PTPN3: variants seen among roughly 807,000 people sequenced by gnomAD.
PTPN3 encodes tyrosine-protein phosphatase non-receptor type 3.
PTPN3 carries 96 observed loss-of-function variants against 132.7 expected under a neutral mutation model. That is an observed-to-expected ratio of 0.72 (90% confidence interval 0.61 to 0.86). The LOEUF is 0.86. PTPN3 is among the 40% of genes least tolerant of loss of function. The pLI is 0.00. For missense variants in PTPN3, 1,125 were observed against 1,159.6 expected (o/e 0.97, Z 0.43); for synonymous variants, 398 against 429.0 (o/e 0.93, Z 0.89).
At chr9:109,446,642 A>T (rs544685443) in intron 6 of PTPN3, among the ~76,000 whole-genome samples, 10 of 152,178 alleles carry the variant, frequency 6.6e-5, no homozygotes, top group Admixed American at 1.3e-4. Flanking sequence ...GAGAAAGAGG[A>T]GGTGAATGGG....
At position 109,436,928 on chromosome 9, in the gene PTPN3, T is replaced by C. The variant is rs1341115721; in HGVS notation, c.630A>G (p.Ile210Met). The C allele has an allele frequency of 6.2e-7, 1 of 1,614,132 alleles. No individual in the cohort carries two copies. Among genetic ancestry groups the C allele is most frequent in the South Asian group, 1.1e-5 (1 of 91,086 alleles). The change falls in exon 9 of 26, where the codon ATA (isoleucine) becomes ATG (methionine). Residue 210 changes from isoleucine (I) to methionine (M), a missense_variant. Transcript: ENST00000374541. ...QSEAESCYIN[I>M]ARTLDFYGVE... ...CTCCATAGAAGTCGAGGGTCCGCGCTATGTTGATATAGCAGGATTCTGCTT... is the reference window on the plus strand; with the variant it reads ...CTCCATAGAAGTCGAGGGTCCGCGCCATGTTGATATAGCAGGATTCTGCTT...
At chr9:109,501,787 A>G (rs1216102917), upstream of PTPN3, among the ~76,000 whole-genome samples, 1 of 152,220 alleles carries the variant, frequency 6.6e-6, no homozygotes, top group Non-Finnish European at 1.5e-5. Flanking sequence ...GTCTCTGGGC[A>G]TTCACTTTGG....
At chr9:109,434,900 C>T (rs1843922765) in intron 9 of PTPN3, among the ~76,000 whole-genome samples, 1 of 152,152 alleles carries the variant, frequency 6.6e-6, no homozygotes, top group Admixed American at 6.5e-5. Flanking sequence ...TTGTGAACCA[C>T]AATGTGAACA....
intron 11 of PTPN3, 52 bp downstream of exon 11, chr9:109,428,569 C>T: frequency 2.5e-6 from 4 of 1,572,228 alleles, no homozygotes; most frequent in Non-Finnish European, 3.5e-6. Context: ...CTGTCTCTAA[C>T]CACACACATA....
intron 1 of PTPN3, among the ~76,000 whole-genome samples, chr9:109,495,240 C>T (rs1030823701): frequency 2.0e-5 from 3 of 152,214 alleles, no homozygotes; most frequent in African/African-American, 7.2e-5. Flanking sequence ...CCAGCTTCTA[C>T]AACAGATCTT....
rs759856464 is a variant in PTPN3, at chr9:109,383,550, G to A, written c.2255C>T (p.Thr752Ile). Residue 752 changes from threonine to isoleucine, a missense_variant and splice_region_variant, in exon 23 of 26, where the codon ACC (threonine) becomes ATC (isoleucine). Thr to Ile is a moderately conservative substitution (Grantham distance 89). Coordinates refer to ENST00000374541, the MANE Select transcript of PTPN3 (RefSeq NM_002829.4). Reference sequence around the variant, plus strand: ...ATCTGGCCAGTACTGGTGACATTTGGTCTGTAAGAAACCACCGAGAGTGAG... The same window carrying A: ...ATCTGGCCAGTACTGGTGACATTTGATCTGTAAGAAACCACCGAGAGTGAG... ...MLTTLTERGR[T>I]KCHQYWPDPP... 6.2e-7 allele frequency: 1 copy of A among 1,608,816 alleles called. No individual in the cohort carries two copies. Among genetic ancestry groups the A allele is most frequent in the Non-Finnish European group, 8.5e-7 (1 of 1,177,516 alleles).
rs1280450078 is a variant in PTPN3 at position 109,420,446 on chromosome 9, G to A, written c.1291C>T (p.Gln431Ter). 1.2e-6 allele frequency: 2 copies of A among 1,603,572 alleles called. No homozygotes were observed. Reference sequence around the variant, plus strand: ...TACTCTTGGTGCGGGCTTCGGTTCTGAGAAACTTCAGAATCGCTGTCTTGA... The same window carrying A: ...TACTCTTGGTGCGGGCTTCGGTTCTAAGAAACTTCAGAATCGCTGTCTTGA... Reference protein sequence around the residue: ...APQDSDSEVSQNRSPHQESLS... With the variant: ...APQDSDSEVS Residue 431 changes from glutamine to a stop codon, truncating the protein, a stop_gained, in exon 14 of 26, where the codon CAG becomes TAG. Coordinates refer to ENST00000374541, the MANE Select transcript of PTPN3 (RefSeq NM_002829.4). LOFTEE classifies it high-confidence loss of function.
the PTPN3 span, among the ~76,000 whole-genome samples, chr9:109,515,748 G>A: frequency 6.6e-6 from 1 of 152,104 alleles, no homozygotes; most frequent in Admixed American, 6.5e-5. Context: ...AAGAGAAGAG[G>A]GGTACCATGC....
chr9:109,451,101 T>C (rs1481760126), intron 5 of PTPN3: 3 of 972,614 alleles, frequency 3.1e-6, no homozygotes, highest in South Asian at 9.6e-5. Flanking sequence ...CAAGATAAGA[T>C]GATCTGGCAG....
At chr9:109,534,587 A>C in the PTPN3 span, among the ~76,000 whole-genome samples, 1 of 147,386 alleles carries the variant, frequency 6.8e-6, no homozygotes, top group Non-Finnish European at 1.5e-5. Flanking sequence ...GACCAGCCTG[A>C]CTAACATGGT....
chr9:109,516,261 A>C, the PTPN3 span, among the ~76,000 whole-genome samples: 3 of 152,236 alleles, frequency 2.0e-5, no homozygotes, highest in African/African-American at 7.2e-5. Context: ...TGGCTGATCC[A>C]TTCCTTATAA....
intron 5 of PTPN3, among the ~76,000 whole-genome samples, chr9:109,453,873 G>C (rs1845416816): frequency 1.3e-5 from 2 of 151,622 alleles, no homozygotes; most frequent in South Asian, 4.2e-4. Context: ...AAATTAGCCA[G>C]GCATGGTGGT....
At chr9:109,501,263 G>C (rs1280229187), upstream of PTPN3, among the ~76,000 whole-genome samples, 1 of 152,140 alleles carries the variant, frequency 6.6e-6, no homozygotes, top group Non-Finnish European at 1.5e-5. Flanking sequence ...TTTTACAGAA[G>C]AGAAAACAAT....
At chr9:109,393,878 C>A (rs1054488691) in intron 19 of PTPN3, among the ~76,000 whole-genome samples, 3 of 152,086 alleles carry the variant, frequency 2.0e-5, no homozygotes, top group African/African-American at 4.8e-5. Context: ...CACAGAACTC[C>A]CCAGAAGATA....
At chr9:109,396,599 C>A (rs1211050880) in intron 19 of PTPN3, among the ~76,000 whole-genome samples, 2 of 152,120 alleles carry the variant, frequency 1.3e-5, no homozygotes, top group East Asian at 3.9e-4. Context: ...TCCTAAAATG[C>A]TTTGTTCTCA....
intron 14 of PTPN3, chr9:109,417,560 C>A: frequency 1.0e-6 from 1 of 963,434 alleles, no homozygotes; most frequent in Non-Finnish European, 1.2e-6. Flanking sequence ...TTTTCTCTCA[C>A]CAGGTACAGA....
At position 109,427,539 on chromosome 9, in the gene PTPN3, T is replaced by A. The variant is rs140254446; in HGVS notation, c.829-417A>T. ...AAGTTTATAACCCTTTGGGTTTTTC[T>A]CTATTTGCTTTCCACAAAGCACAGA... On this transcript the variant is annotated intron_variant, in intron 11 of 25. Coordinates refer to ENST00000374541, the MANE Select transcript of PTPN3 (RefSeq NM_002829.4). Among the ~76,000 whole-genome samples the A allele has an allele frequency of 7.9e-5, 12 of 152,386 alleles. No homozygotes were observed. In the South Asian group the frequency reaches 1.7e-3, roughly 21 times the overall value.
chr9:109,427,318 T>C lies in PTPN3; in HGVS notation c.829-196A>G, dbSNP rs546503037. Among the ~76,000 whole-genome samples the C allele has an allele frequency of 3.3e-5, 5 of 152,258 alleles. No individual in the cohort carries two copies. In the South Asian group the frequency reaches 6.2e-4, roughly 19 times the overall value. ...TTAACCGTCTTTATGAACATGGTAA[T>C]AGAGATGACCAGAATCTATTCTTTA... On this transcript the variant is annotated intron_variant, in intron 11 of 25. Coordinates refer to ENST00000374541, the MANE Select transcript of PTPN3 (RefSeq NM_002829.4).
At chr9:109,410,114 C>T (rs1192479010) in intron 15 of PTPN3, 38 bp from the exon 16 acceptor site, 9 of 1,614,154 alleles carry the variant, frequency 5.6e-6, no homozygotes, top group Non-Finnish European at 6.8e-6. Flanking sequence ...TGCATCACAT[C>T]TCTCTCCAGC....
Sources: allele counts gnomAD v4.1 joint callset (sites outside exome capture counted in the v4.1 genomes callset), GRCh38; gene constraint gnomAD v4.1.1; transcripts MANE v1.5; gene names NCBI Gene and HGNC (gene_info 2026-07-23, HGNC 2026-07-21).